The following SLC12A6 variants were observed in gnomAD, a reference collection of about 807,000 sequenced individuals.
SLC12A6 encodes K-Cl cotransporter 3.
A neutral mutation model predicts 135.3 loss-of-function variants in SLC12A6; 66 were observed. That is an observed-to-expected ratio of 0.49 (90% confidence interval 0.40 to 0.60). SLC12A6 has a LOEUF of 0.60. Ranked by LOEUF, SLC12A6 falls within the 20% of genes least tolerant of loss-of-function variation. The pLI is 0.00. For missense variants in SLC12A6, 1,058 were observed against 1,452.3 expected (o/e 0.73, Z 4.41); for synonymous variants, 513 against 508.8 (o/e 1.01, Z -0.11).
At chr15:34,244,926 T>C (rs1268160025) in intron 15 of SLC12A6, among the ~76,000 whole-genome samples, 1 of 152,258 alleles carries the variant, frequency 6.6e-6, no homozygotes, top group Non-Finnish European at 1.5e-5. Flanking sequence ...AGATTGTGTC[T>C]TATCCATCTT....
At chr15:34,325,583 T>A (rs1473880679) in intron 2 of SLC12A6, among the ~76,000 whole-genome samples, 1 of 152,208 alleles carries the variant, frequency 6.6e-6, no homozygotes, top group Non-Finnish European at 1.5e-5. Context: ...ACTGAATGTC[T>A]GTGTTCATAG....
intron 2 of SLC12A6, among the ~76,000 whole-genome samples, chr15:34,276,622 C>A (rs1026883204): frequency 6.6e-6 from 1 of 152,114 alleles, no homozygotes; most frequent in African/African-American, 2.4e-5. Flanking sequence ...TAATTTTAGA[C>A]CAGGGTTTAT....
intron 17 of SLC12A6, among the ~76,000 whole-genome samples, 155 bp downstream of exon 17, chr15:34,241,947 T>G (rs559264017): frequency 6.6e-6 from 1 of 152,346 alleles, no homozygotes; most frequent in Non-Finnish European, 1.5e-5. Context: ...GATGAAAAGC[T>G]TGCATCATTA....
At chr15:34,287,150 G>A (rs1009666670) in intron 2 of SLC12A6, among the ~76,000 whole-genome samples, 8 of 151,186 alleles carry the variant, frequency 5.3e-5, no homozygotes, top group Non-Finnish European at 1.0e-4. Context: ...CTACCCCCCC[G>A]GGCTCTGGTG....
intron 2 of SLC12A6, chr15:34,318,836 A>G: frequency 6.6e-7 from 1 of 1,504,792 alleles, no homozygotes; most frequent in Non-Finnish European, 8.9e-7. Context: ...CACGTGACCT[A>G]CAGCCCTGAG....
chr15:34,263,745 C>G (rs956662247), intron 3 of SLC12A6, among the ~76,000 whole-genome samples: 1 of 151,666 alleles, frequency 6.6e-6, no homozygotes, highest in African/African-American at 2.4e-5. Context: ...AATTAAAAAC[C>G]CTATAAGCTT....
chr15:34,335,141 C>T (rs1033207613), intron 2 of SLC12A6, among the ~76,000 whole-genome samples: 6 of 152,086 alleles, frequency 3.9e-5, no homozygotes, highest in African/African-American at 1.4e-4. Context: ...ATTTGTATTC[C>T]ATACTGTAAT....
intron 9 of SLC12A6, among the ~76,000 whole-genome samples, chr15:34,254,123 G>C (rs1335780288): frequency 6.6e-6 from 1 of 152,294 alleles, no homozygotes; most frequent in South Asian, 2.1e-4. Context: ...CCTAAATGAT[G>C]GTTACAGCTA....
At chr15:34,286,683 C>T (rs1418852076) in intron 2 of SLC12A6, among the ~76,000 whole-genome samples, 1 of 151,972 alleles carries the variant, frequency 6.6e-6, no homozygotes, top group Non-Finnish European at 1.5e-5. Context: ...GTAACCCCAG[C>T]TGCTTGGGAG....
chr15:34,244,181 C>G (rs1016279324), intron 15 of SLC12A6, 109 bp from the exon 16 acceptor site: 41 of 747,120 alleles, frequency 5.5e-5, no homozygotes, highest in Non-Finnish European at 1.2e-5. Context: ...ACAACTAACC[C>G]TTGATTAAGT....
chr15:34,254,696 G>C, intron 8 of SLC12A6, 107 bp from the exon 9 acceptor site: 4 of 828,482 alleles, frequency 4.8e-6, no homozygotes, highest in Non-Finnish European at 7.9e-6. Context: ...AGCTGAGAGA[G>C]AAAATGACTG....
chr15:34,306,008 G>A (rs997132040), intron 2 of SLC12A6, among the ~76,000 whole-genome samples: 20 of 151,628 alleles, frequency 1.3e-4, no homozygotes, highest in Admixed American at 1.2e-3. Flanking sequence ...TGATCCGCCC[G>A]CCTCGGCCTA....
chr15:34,264,547 G>T (rs1204303729), intron 3 of SLC12A6, among the ~76,000 whole-genome samples: 2 of 152,142 alleles, frequency 1.3e-5, no homozygotes, highest in Non-Finnish European at 2.9e-5. Context: ...AGATAAAAGA[G>T]ACTTAAAAGA....
At chr15:34,312,851 T>C (rs1458436400) in intron 2 of SLC12A6, among the ~76,000 whole-genome samples, 1 of 152,250 alleles carries the variant, frequency 6.6e-6, no homozygotes, top group Non-Finnish European at 1.5e-5. Context: ...TATTTCTAAC[T>C]TTTTCATTAT....
chr15:34,260,804 T>C (rs1353494119), intron 4 of SLC12A6, 122 bp downstream of exon 4: 54 of 654,118 alleles, frequency 8.3e-5, no homozygotes, highest in Non-Finnish European at 1.5e-4. Flanking sequence ...CAAGTTACAA[T>C]ATTTTCTTTT....
chr15:34,256,264 G>C lies in SLC12A6; in HGVS notation c.710C>G (p.Ser237Cys), dbSNP rs771454848. 6.2e-7 allele frequency: 1 copy of C among 1,606,936 alleles called. No homozygotes were observed. The highest frequency in any genetic ancestry group is 2.2e-5 in the East Asian group (1 of 44,824). Residue 237 changes from serine to cysteine, a missense_variant, in exon 7 of 26, where the codon TCC becomes TGC. Physicochemically the swap from Ser to Cys is moderately radical, Grantham distance 112. Transcript: ENST00000354181. ...TCCATTAGTGGCAATGGCACTCATG[G>C]AGATAGCAGTCAACATTGTCTGCAG... is the stretch of plus-strand genomic sequence containing the variant. ...CCCCTMLTAI[S>C]MSAIATNGVV...
At position 34,238,741 on chromosome 15, in the gene SLC12A6, A is replaced by G. The variant is rs565834336; in HGVS notation, c.2632+224T>C. On this transcript the variant is annotated intron_variant, in intron 20 of 25. Coordinates refer to ENST00000354181, the MANE Select transcript of SLC12A6 (RefSeq NM_001365088.1). ...AAATGAAAACACGGCAATTTTGGAGATAATTCCTAGCACAAGACTTGACAG... is the reference window on the plus strand; with the variant it reads ...AAATGAAAACACGGCAATTTTGGAGGTAATTCCTAGCACAAGACTTGACAG... 4.2e-4 allele frequency: 259 copies of G among 622,238 alleles called. 4 individuals carry two copies. Among genetic ancestry groups the G allele is most frequent in the Middle Eastern group, 2.6e-3 (6 of 2,292 alleles). 38.5% of individuals were successfully genotyped at this position (622,238 alleles called of 1,614,324 possible).
At chr15:34,239,518 G>T (rs1390325949) in intron 19 of SLC12A6, among the ~76,000 whole-genome samples, 1 of 152,036 alleles carries the variant, frequency 6.6e-6, no homozygotes, top group African/African-American at 2.4e-5. Flanking sequence ...TTGTGAACAC[G>T]ATCTCCTTCC....
In SLC12A6 at chr15:34,233,663, TCTGATGTTGAGGGAATATTTG is replaced by T. The variant is rs1180587439; in HGVS notation, c.*197_*217del. 1.8e-6 allele frequency: 1 copy of T among 550,152 alleles called. No homozygotes were observed. The highest frequency in any genetic ancestry group is 3.3e-6 in the Non-Finnish European group (1 of 303,244). The allele number at this position is 550,152 out of a possible 1,614,324, so 34.1% of individuals were successfully genotyped here. On this transcript the variant is annotated 3_prime_UTR_variant, in exon 26 of 26. Coordinates refer to ENST00000354181, the MANE Select transcript of SLC12A6 (RefSeq NM_001365088.1). ...GTGGCTTGAAAGACTTGAGCATTGT[TCTGATGTTGAGGGAATATTTG>T]CTTTTTCTGTAATGACTGCAGATCA...
Sources: allele counts gnomAD v4.1 joint callset (sites outside exome capture counted in the v4.1 genomes callset), GRCh38; gene constraint gnomAD v4.1.1; transcripts MANE v1.5; gene names NCBI Gene and HGNC (gene_info 2026-07-23, HGNC 2026-07-21).